PDE10A: variants seen among roughly 807,000 people sequenced by gnomAD.
The protein encoded by PDE10A is cAMP and cAMP-inhibited cGMP 3',5'-cyclic phosphodiesterase 10A.
PDE10A carries 39 observed loss-of-function variants against 97.7 expected under a neutral mutation model. The observed-to-expected ratio is 0.40, with a 90% CI of 0.31 to 0.52. PDE10A has a LOEUF of 0.52. PDE10A is among the 20% of genes least tolerant of loss of function. PDE10A has a pLI of 0.56. For missense variants in PDE10A, 731 were observed against 1,047.8 expected (o/e 0.70, Z 4.17); for synonymous variants, 371 against 376.8 (o/e 0.98, Z 0.18).
At chr6:165,838,755 C>A (rs1203334621) in intron 1 of PDE10A, among the ~76,000 whole-genome samples, 1 of 152,234 alleles carries the variant, frequency 6.6e-6, no homozygotes, top group Non-Finnish European at 1.5e-5. Context: ...TTTTCTTCTT[C>A]TCTCCTCATC....
At chr6:165,442,595 G>A (rs55692388) in intron 5 of PDE10A, among the ~76,000 whole-genome samples, 5,682 of 152,164 alleles carry the variant, frequency 0.037, 149 homozygotes, top group Non-Finnish European at 0.06. Flanking sequence ...ACTATCATGA[G>A]AAAAGCAATG....
intron 1 of PDE10A, among the ~76,000 whole-genome samples, chr6:165,788,535 AAAAAG>A (rs1562737282): frequency 2.7e-5 from 4 of 149,306 alleles, no homozygotes; most frequent in Non-Finnish European, 3.0e-5. Flanking sequence ...AAAAAAAAAA[AAAAAG>A]AAAAGAAAAG....
At position 165,331,871 on chromosome 6, in the gene PDE10A, G is replaced by A. The variant is rs1173944618; in HGVS notation, c.*1154C>T. The A allele has an allele frequency of 6.6e-6, 1 of 152,140 alleles. No homozygotes were observed. Among genetic ancestry groups the A allele is most frequent in the African/African-American group, 2.4e-5 (1 of 41,426 alleles). 9.4% of individuals were successfully genotyped at this position (152,140 alleles called of 1,614,324 possible). A position where few individuals can be genotyped will look rare whatever the true frequency, so the allele number is the denominator to read the frequency against. On this transcript the variant is annotated 3_prime_UTR_variant, in exon 22 of 22. Coordinates refer to ENST00000539869, the MANE Select transcript of PDE10A (RefSeq NM_001385079.1). ...AGAAGAGTAAAGAGAACAGAAAGAA[G>A]GTCCAACATGATTGTACTACTTTCT...
intron 3 of PDE10A, among the ~76,000 whole-genome samples, chr6:165,471,313 G>A (rs1778991589): frequency 6.6e-6 from 1 of 151,930 alleles, no homozygotes. Flanking sequence ...ATGTTCCAGG[G>A]TTGAGCCACA....
intron 1 of PDE10A, among the ~76,000 whole-genome samples, chr6:165,967,445 C>G (rs1225928417): frequency 6.6e-6 from 1 of 152,164 alleles, no homozygotes; most frequent in African/African-American, 2.4e-5. Flanking sequence ...TGCAGTGAGC[C>G]AAGACTGTGC....
At chr6:165,458,700 C>T (rs544858932) in intron 3 of PDE10A, among the ~76,000 whole-genome samples, 165 of 152,154 alleles carry the variant, frequency 1.1e-3, no homozygotes, top group Non-Finnish European at 1.8e-3. Context: ...CACACACACA[C>T]GTTTTATAAA....
chr6:165,766,287 G>A (rs935214927), intron 1 of PDE10A, among the ~76,000 whole-genome samples: 2 of 152,188 alleles, frequency 1.3e-5, no homozygotes, highest in South Asian at 2.1e-4. Flanking sequence ...GAAATTAAGC[G>A]TTTAGGCTAG....
intron 1 of PDE10A, chr6:165,947,305 C>T (rs1192602297): frequency 6.6e-6 from 1 of 152,078 alleles, no homozygotes; most frequent in African/African-American, 2.4e-5. Flanking sequence ...GTACATAAAG[C>T]CTGGTTGACT....
chr6:165,520,835 C>G (rs1357245546), intron 2 of PDE10A, among the ~76,000 whole-genome samples: 1 of 152,092 alleles, frequency 6.6e-6, no homozygotes, highest in African/African-American at 2.4e-5. Flanking sequence ...CAATTACATC[C>G]CCAGAAACAG....
At chr6:165,447,489 C>T (rs1025331360) in intron 5 of PDE10A, among the ~76,000 whole-genome samples, 4 of 152,120 alleles carry the variant, frequency 2.6e-5, no homozygotes, top group South Asian at 2.1e-4. Flanking sequence ...CTGCTGGAGG[C>T]GGCTCAGAAG....
intron 1 of PDE10A, among the ~76,000 whole-genome samples, chr6:165,919,913 C>T (rs1186965490): frequency 6.6e-6 from 1 of 152,184 alleles, no homozygotes; most frequent in Non-Finnish European, 1.5e-5. Context: ...ATGAGGATAC[C>T]TCACTGGTGC....
chr6:165,532,027 T>C (rs1043733860), intron 2 of PDE10A, among the ~76,000 whole-genome samples: 1 of 152,188 alleles, frequency 6.6e-6, no homozygotes, highest in Non-Finnish European at 1.5e-5. Context: ...CAAAAACTTT[T>C]TTAAAAAAAG....
chr6:165,927,457 TAAC>T (rs1782972647), intron 1 of PDE10A, among the ~76,000 whole-genome samples: 1 of 151,922 alleles, frequency 6.6e-6, no homozygotes, highest in Non-Finnish European at 1.5e-5. Context: ...GGCAGTTTTT[TAAC>T]AACTGAACAT....
At chr6:165,906,495 T>C (rs1428151179) in intron 1 of PDE10A, among the ~76,000 whole-genome samples, 1 of 152,102 alleles carries the variant, frequency 6.6e-6, no homozygotes, top group African/African-American at 2.4e-5. Flanking sequence ...AAACCAATAA[T>C]CAGCCATGAA....
At chr6:165,773,573 C>G (rs1323216512) in intron 1 of PDE10A, among the ~76,000 whole-genome samples, 3 of 152,002 alleles carry the variant, frequency 2.0e-5, no homozygotes, top group African/African-American at 7.2e-5. Flanking sequence ...TTATTTTGAC[C>G]AAGATATAGC....
intron 1 of PDE10A, among the ~76,000 whole-genome samples, chr6:165,627,801 T>C (rs961900174): frequency 6.6e-6 from 1 of 152,236 alleles, no homozygotes; most frequent in Admixed American, 6.5e-5. Flanking sequence ...TCTAAAACTC[T>C]GCAACAGGCA....
rs114684977 is a variant in PDE10A at position 165,821,080 on chromosome 6, G to C, written c.-615+166449C>G. 3.6e-3 allele frequency among the ~76,000 whole-genome samples: 552 copies of C among 152,252 alleles called. 4 individuals carry two copies. The highest frequency in any genetic ancestry group is 0.013 in the African/African-American group (527 of 41,556). ...GCTCGGGGACCAGGGCTGCGGTGGG[G>C]CAGTGGCTGCCCACAGCTAATACTG... On this transcript the variant is annotated intron_variant, in intron 1 of 19. Coordinates refer to the PDE10A transcript ENST00000366882.
chr6:165,402,340 AAATT>A (rs1786734292), intron 13 of PDE10A, among the ~76,000 whole-genome samples: 1 of 152,044 alleles, frequency 6.6e-6, no homozygotes, highest in Non-Finnish European at 1.5e-5. Flanking sequence ...TTACAAAATA[AAATT>A]AATTAAAATC....
intron 1 of PDE10A, among the ~76,000 whole-genome samples, chr6:165,959,860 A>G (rs1172489901): frequency 6.6e-6 from 1 of 152,144 alleles, no homozygotes. Context: ...AAGCTCAGGC[A>G]CCAAACACCA....
Sources: allele counts gnomAD v4.1 joint callset (sites outside exome capture counted in the v4.1 genomes callset), GRCh38; gene constraint gnomAD v4.1.1; transcripts MANE v1.5; gene names NCBI Gene and HGNC (gene_info 2026-07-23, HGNC 2026-07-21).